Variants in MBOAT2 observed in about 807,000 individuals in gnomAD.
MBOAT2 encodes membrane bound glycerophospholipid O-acyltransferase 2.
MBOAT2 carries 28 observed loss-of-function variants against 63.4 expected under a neutral mutation model. The ratio of observed to expected loss-of-function variants is 0.44; its 90% confidence interval spans 0.33 to 0.61. The LOEUF is 0.61. Among genes scored for constraint, MBOAT2 ranks in the 20% least tolerant of loss-of-function variants. MBOAT2 has a pLI of 0.03. For synonymous variants in MBOAT2, 211 were observed against 215.6 expected (o/e 0.98, Z 0.19); for missense variants, 470 against 605.8 (o/e 0.78, Z 2.35).
At chr2:8,913,720 G>A (rs571930209) in intron 3 of MBOAT2, among the ~76,000 whole-genome samples, 1 of 152,306 alleles carries the variant, frequency 6.6e-6, no homozygotes, top group African/African-American at 2.4e-5. Context: ...TACACTGCTG[G>A]TGGGAATGTA....
At chr2:8,904,918 TTGTATTA>T (rs978406935) in intron 4 of MBOAT2, among the ~76,000 whole-genome samples, 12 of 152,198 alleles carry the variant, frequency 7.9e-5, no homozygotes, top group African/African-American at 2.7e-4. Context: ...AAACAGAAAC[TTGTATTA>T]TGTATTATGG....
intron 2 of MBOAT2, among the ~76,000 whole-genome samples, chr2:8,950,426 TTTTG>T (rs993399652): frequency 1.9e-3 from 285 of 152,152 alleles, no homozygotes; most frequent in African/African-American, 4.6e-3. Context: ...CCAGTTTGTT[TTTTG>T]TTTGTTTGTT....
intron 1 of MBOAT2, among the ~76,000 whole-genome samples, chr2:8,977,134 G>A (rs1670872959): frequency 6.6e-6 from 1 of 152,042 alleles, no homozygotes; most frequent in Non-Finnish European, 1.5e-5. Flanking sequence ...ACAGCCTTAT[G>A]GGTGGATACC....
intron 4 of MBOAT2, among the ~76,000 whole-genome samples, chr2:8,888,388 C>T (rs1479254192): frequency 6.6e-6 from 1 of 152,134 alleles, no homozygotes; most frequent in Admixed American, 6.5e-5. Context: ...GAAAACAAGG[C>T]CCGGAGGTAA....
intron 2 of MBOAT2, among the ~76,000 whole-genome samples, chr2:8,950,795 T>G (rs1010603979): frequency 6.6e-6 from 1 of 152,204 alleles, no homozygotes; most frequent in African/African-American, 2.4e-5. Flanking sequence ...GCTCTTGGTA[T>G]TTTGAGGTAT....
intron 3 of MBOAT2, among the ~76,000 whole-genome samples, chr2:8,910,948 A>G (rs900192595): frequency 6.6e-6 from 1 of 152,206 alleles, no homozygotes; most frequent in Non-Finnish European, 1.5e-5. Flanking sequence ...CAGGGTGTGG[A>G]GTCAAGAGCT....
chr2:8,893,398 T>C (rs1350919576), intron 4 of MBOAT2, among the ~76,000 whole-genome samples: 1 of 152,196 alleles, frequency 6.6e-6, no homozygotes, highest in Non-Finnish European at 1.5e-5. Flanking sequence ...CACTTAATCC[T>C]GACCCCACAT....
At chr2:9,001,565 AG>A (rs1672692503) in intron 1 of MBOAT2, among the ~76,000 whole-genome samples, 1 of 152,216 alleles carries the variant, frequency 6.6e-6, no homozygotes, top group Non-Finnish European at 1.5e-5. Flanking sequence ...ATACAAAGTC[AG>A]GGCTACACAT....
intron 3 of MBOAT2, among the ~76,000 whole-genome samples, chr2:8,934,936 T>C (rs745622166): frequency 8.5e-5 from 13 of 152,188 alleles, no homozygotes; most frequent in Non-Finnish European, 1.9e-4. Context: ...GTTGAGGCAG[T>C]TCCTGATGAC....
intron 5 of MBOAT2, among the ~76,000 whole-genome samples, chr2:8,883,946 T>TGCAGAGTG (rs1266489472): frequency 6.6e-6 from 1 of 150,882 alleles, no homozygotes; most frequent in Non-Finnish European, 1.5e-5. Flanking sequence ...AGGGGCCAGG[T>TGCAGAGTG]GCAGAGTGGC....
At chr2:8,870,561 T>C (rs1196272620) in intron 8 of MBOAT2, among the ~76,000 whole-genome samples, 2 of 152,162 alleles carry the variant, frequency 1.3e-5, no homozygotes, top group African/African-American at 4.8e-5. Context: ...AAATGGACAA[T>C]TACAAAAAGG....
chr2:8,903,695 C>T (rs759958818), intron 4 of MBOAT2, among the ~76,000 whole-genome samples: 1 of 152,176 alleles, frequency 6.6e-6, no homozygotes, highest in Non-Finnish European at 1.5e-5. Context: ...TCTGATCCCA[C>T]CACTGCTGTT....
intron 3 of MBOAT2, among the ~76,000 whole-genome samples, chr2:8,930,215 C>T (rs1667218849): frequency 6.6e-6 from 1 of 152,236 alleles, no homozygotes; most frequent in African/African-American, 2.4e-5. Flanking sequence ...GTTTCTCACT[C>T]TGGTAACATC....
intron 8 of MBOAT2, 53 bp downstream of exon 8, chr2:8,873,055 A>G: frequency 6.6e-7 from 1 of 1,509,576 alleles, no homozygotes; most frequent in Non-Finnish European, 9.1e-7. Context: ...TCTATCGACA[A>G]GGTAAGAAAC....
intron 3 of MBOAT2, among the ~76,000 whole-genome samples, chr2:8,923,963 T>C (rs925608796): frequency 2.6e-5 from 4 of 152,072 alleles, no homozygotes; most frequent in Non-Finnish European, 5.9e-5. Flanking sequence ...ATTATTTCTG[T>C]GGGAGGTAAA....
intron 2 of MBOAT2, among the ~76,000 whole-genome samples, chr2:8,943,785 CAAAT>C (rs1283911165): frequency 6.6e-6 from 1 of 152,206 alleles, no homozygotes; most frequent in African/African-American, 2.4e-5. Flanking sequence ...TGGCTCAAGT[CAAAT>C]AAACTTCCTT....
intron 1 of MBOAT2, among the ~76,000 whole-genome samples, chr2:8,975,758 C>T (rs1013510105): frequency 7.2e-6 from 1 of 139,292 alleles, no homozygotes; most frequent in South Asian, 2.3e-4. Flanking sequence ...ACTCACAAAA[C>T]TTACAGGCCA....
At chr2:8,914,922 T>A (rs576539281) in intron 3 of MBOAT2, among the ~76,000 whole-genome samples, 1 of 150,080 alleles carries the variant, frequency 6.7e-6, no homozygotes, top group East Asian at 2.0e-4. Flanking sequence ...AAACTGTGAC[T>A]ACTGGAAATT....
At chr2:8,920,820 A>G in intron 3 of MBOAT2, among the ~76,000 whole-genome samples, 1 of 152,122 alleles carries the variant, frequency 6.6e-6, no homozygotes, top group East Asian at 1.9e-4. Flanking sequence ...TGGATTCTCA[A>G]TTTGTAGTAT....
Sources: allele counts gnomAD v4.1 joint callset (sites outside exome capture counted in the v4.1 genomes callset), GRCh38; gene constraint gnomAD v4.1.1; transcripts MANE v1.5; gene names NCBI Gene and HGNC (gene_info 2026-07-23, HGNC 2026-07-21).